Variants in RFT1 observed in about 807,000 individuals in gnomAD.
RFT1 encodes man(5)GlcNAc(2)-PP-dolichol translocation protein RFT1.
RFT1 carries 43 observed loss-of-function variants against 62.2 expected under a neutral mutation model. That is an observed-to-expected ratio of 0.69 (90% CI 0.54 to 0.89). The LOEUF is 0.89. RFT1 is among the 40% of genes least tolerant of loss of function. The pLI is 0.00. For missense variants in RFT1, 605 were observed against 649.9 expected (o/e 0.93, Z 0.75); for synonymous variants, 262 against 264.6 (o/e 0.99, Z 0.10).
intron 8 of RFT1, among the ~76,000 whole-genome samples, chr3:53,106,606 G>A (rs1341602381): frequency 1.3e-5 from 2 of 152,110 alleles, no homozygotes; most frequent in Non-Finnish European, 2.9e-5. Flanking sequence ...GAGCTCTCAG[G>A]AGGCAAAATA....
At chr3:53,103,529 A>C (rs989256203) in intron 10 of RFT1, 1 of 210,108 alleles carries the variant, frequency 4.8e-6, no homozygotes, top group African/African-American at 2.3e-5. Flanking sequence ...TATCCTTCAG[A>C]GGCTTTTATG....
intron 6 of RFT1, among the ~76,000 whole-genome samples, chr3:53,112,172 G>A (rs1226850287): frequency 6.6e-6 from 1 of 152,182 alleles, no homozygotes; most frequent in African/African-American, 2.4e-5. Context: ...GCTGTCCCTT[G>A]GGGGCCCACA....
chr3:53,122,256 T>C, intron 4 of RFT1, 118 bp downstream of exon 4: 1 of 986,796 alleles, frequency 1.0e-6, no homozygotes, highest in South Asian at 1.4e-5. Context: ...TTTTTCTAAA[T>C]ACATTTTTAG....
At chr3:53,081,366 G>A in the RFT1 span, among the ~76,000 whole-genome samples, 148 of 152,318 alleles carry the variant, frequency 9.7e-4, no homozygotes, top group African/African-American at 3.5e-3. Context: ...AGCAGAGCCT[G>A]GCACAGCCAT....
intron 11 of RFT1, 150 bp downstream of exon 11, chr3:53,099,231 T>C: frequency 1.4e-6 from 1 of 694,844 alleles, no homozygotes; most frequent in Non-Finnish European, 2.6e-6. Flanking sequence ...GCCACAGAGA[T>C]CCCAGGGGAG....
intron 8 of RFT1, among the ~76,000 whole-genome samples, chr3:53,106,464 AC>A (rs1240198845): frequency 6.6e-6 from 1 of 152,204 alleles, no homozygotes; most frequent in Non-Finnish European, 1.5e-5. Context: ...CTTTGGGATT[AC>A]ATTAAAAGAT....
chr3:53,083,643 C>G (rs1700801454), downstream of RFT1, among the ~76,000 whole-genome samples: 1 of 152,248 alleles, frequency 6.6e-6, no homozygotes, highest in Non-Finnish European at 1.5e-5. Context: ...GCTTGCAGAT[C>G]TGCGGCAGGC....
chr3:53,114,937 C>T (rs1701751119), intron 6 of RFT1, among the ~76,000 whole-genome samples: 1 of 152,154 alleles, frequency 6.6e-6, no homozygotes, highest in Admixed American at 6.6e-5. Context: ...GAGTGTGGGG[C>T]TACCATCCTG....
the RFT1 span, among the ~76,000 whole-genome samples, chr3:53,076,026 T>A: frequency 6.6e-6 from 1 of 152,154 alleles, no homozygotes; most frequent in Non-Finnish European, 1.5e-5. Context: ...GCATGGGGCA[T>A]CTTACCAGGA....
intron 10 of RFT1, among the ~76,000 whole-genome samples, chr3:53,101,595 GT>G (rs1418178843): frequency 1.3e-5 from 2 of 152,154 alleles, no homozygotes; most frequent in African/African-American, 2.4e-5. Flanking sequence ...AAGTTGAACT[GT>G]CCCCCCAAAA....
chr3:53,101,491 CCAAT>C (rs1408776804), intron 10 of RFT1, among the ~76,000 whole-genome samples: 1 of 152,270 alleles, frequency 6.6e-6, no homozygotes, highest in East Asian at 1.9e-4. Context: ...AACTCTGGCA[CCAAT>C]CAGTGACTCA....
At position 53,111,819 on chromosome 3, in the gene RFT1, C is replaced by T. The variant is rs1449863196; in HGVS notation, c.775+11G>A. ...TGGTCTCCCGACGATTCAGAGTGACCGTCTACTTACCTTCTGTCAAAATCT... is the reference window on the plus strand; with the variant it reads ...TGGTCTCCCGACGATTCAGAGTGACTGTCTACTTACCTTCTGTCAAAATCT... On this transcript the variant is annotated intron_variant, in intron 7 of 12. Coordinates refer to ENST00000296292, the MANE Select transcript of RFT1 (RefSeq NM_052859.4). 5.6e-6 allele frequency: 9 copies of T among 1,610,008 alleles called. No individual in the cohort carries two copies. Among genetic ancestry groups the T allele is most frequent in the South Asian group, 3.3e-5 (3 of 91,022 alleles).
chr3:53,069,958 C>T, the RFT1 span, among the ~76,000 whole-genome samples: 2 of 152,182 alleles, frequency 1.3e-5, no homozygotes, highest in African/African-American at 4.8e-5. Context: ...AGACTACTCC[C>T]CACTGTGCCC....
In RFT1 at chr3:53,090,503, G is replaced by T. The variant is rs952085580; in HGVS notation, c.*1400C>A. ...ACTTAGTGCAAAGCATTCTCCCTCT[G>T]AGTAGATAAAAACCTGCCAGGTGAC... On this transcript the variant is annotated 3_prime_UTR_variant, in exon 13 of 13. Coordinates refer to ENST00000296292, the MANE Select transcript of RFT1 (RefSeq NM_052859.4). The T allele has an allele frequency of 2.0e-5, 3 of 152,220 alleles. No individual in the cohort carries two copies. The highest frequency in any genetic ancestry group is 7.2e-5 in the African/African-American group (3 of 41,448). 9.4% of individuals were successfully genotyped at this position (152,220 alleles called of 1,614,324 possible). A position where few individuals can be genotyped will look rare whatever the true frequency, so the allele number is the denominator to read the frequency against.
chr3:53,087,490 G>A (rs924330053), downstream of RFT1, among the ~76,000 whole-genome samples: 1 of 151,912 alleles, frequency 6.6e-6, no homozygotes, highest in Non-Finnish European at 1.5e-5. Context: ...GCTCCTGCCT[G>A]TCTCTTCCTC....
chr3:53,083,965 G>A (rs1170168776), downstream of RFT1, among the ~76,000 whole-genome samples: 1 of 152,224 alleles, frequency 6.6e-6, no homozygotes, highest in Non-Finnish European at 1.5e-5. Context: ...TTGTGTTAAT[G>A]TCCTAGGGGA....
chr3:53,130,424 C>A lies in RFT1; in HGVS notation c.-24G>T. 1 of 1,550,446 alleles carries A rather than the reference C, an allele frequency of 6.4e-7. No individual in the cohort carries two copies. The highest frequency in any genetic ancestry group is 8.7e-7 in the Non-Finnish European group (1 of 1,146,824). On this transcript the variant is annotated 5_prime_UTR_variant, in exon 1 of 13. Transcript: ENST00000296292. ...ATAGCCTCCGCGCCAGGCTCAGACA[C>A]CAGGAAATGCCGCCGCCACTCCGTT...
chr3:53,106,398 C>CT (rs1388630361), intron 8 of RFT1, among the ~76,000 whole-genome samples: 1 of 151,664 alleles, frequency 6.6e-6, no homozygotes, highest in Non-Finnish European at 1.5e-5. Context: ...ATCAACAGTA[C>CT]TTTCTTATAC....
the RFT1 span, among the ~76,000 whole-genome samples, chr3:53,070,403 T>TTTTTG: frequency 1.5e-5 from 2 of 137,386 alleles, no homozygotes; most frequent in East Asian, 2.1e-4. Context: ...GTTTTTTTTT[T>TTTTTG]TTTTTTTTTT....
Sources: gnomAD v4.1 joint callset for allele counts (sites outside exome capture counted in the v4.1 genomes callset) on GRCh38, gnomAD v4.1.1 for gene constraint, MANE v1.5 for transcripts, NCBI Gene and HGNC (gene_info 2026-07-23, HGNC 2026-07-21) for gene names.